The following AOAH variants were observed in gnomAD, a reference collection of about 807,000 sequenced individuals.
AOAH encodes acyloxyacyl hydrolase (neutrophil).
A neutral mutation model predicts 92.2 loss-of-function variants in AOAH; 64 were observed. That is an observed-to-expected ratio of 0.69 (90% CI 0.57 to 0.86). The LOEUF is 0.86. AOAH is among the 40% of genes least tolerant of loss of function. AOAH has a pLI of 0.00. For missense variants in AOAH, 656 were observed against 694.6 expected (o/e 0.94, Z 0.62); for synonymous variants, 263 against 254.5 (o/e 1.03, Z -0.32).
rs138320753 is a variant in AOAH, at chr7:36,711,023, C to G, written c.127+12999G>C. ...TCACATTTGTACAGAGTGGCAGAAC[C>G]AGGATTCAAATCTGAGAGCCCCACA... On this transcript the variant is annotated intron_variant, in intron 1 of 20. Transcript: ENST00000617537. Among the ~76,000 whole-genome samples the G allele has an allele frequency of 2.2e-3, 336 of 151,908 alleles. 3 individuals are homozygous for G. The highest frequency in any genetic ancestry group is 7.9e-3 in the African/African-American group (326 of 41,216).
intron 1 of AOAH, among the ~76,000 whole-genome samples, chr7:36,687,731 C>T (rs1221470163): frequency 1.3e-5 from 2 of 152,026 alleles, no homozygotes; most frequent in Non-Finnish European, 2.9e-5. Context: ...GGAGCCTGGG[C>T]CAGCAGTAGG....
At chr7:36,519,419 ACCT>A (rs549817931) in intron 20 of AOAH, among the ~76,000 whole-genome samples, 5 of 151,960 alleles carry the variant, frequency 3.3e-5, no homozygotes, top group South Asian at 2.1e-4. Flanking sequence ...TTCTGACATC[ACCT>A]CCTCTGAAAA....
intron 1 of AOAH, among the ~76,000 whole-genome samples, chr7:36,711,160 T>C (rs1798746648): frequency 6.6e-6 from 1 of 152,162 alleles, no homozygotes; most frequent in African/African-American, 2.4e-5. Context: ...AGTAATGTCT[T>C]CATTTAGAGA....
intron 2 of AOAH, among the ~76,000 whole-genome samples, chr7:36,683,067 A>G (rs7798024): frequency 0.31 from 46,403 of 152,096 alleles, 7,701 homozygotes; most frequent in African/African-American, 0.44. Flanking sequence ...TTATAGAAAA[A>G]AAATCTTCTG....
chr7:36,702,292 GGT>G (rs1262192089), intron 1 of AOAH, among the ~76,000 whole-genome samples: 6 of 152,106 alleles, frequency 3.9e-5, no homozygotes, highest in Non-Finnish European at 8.8e-5. Context: ...GTTACCATGT[GGT>G]GTTATTTTCC....
chr7:36,681,522 G>GA (rs1796642565), intron 2 of AOAH, among the ~76,000 whole-genome samples: 1 of 152,104 alleles, frequency 6.6e-6, no homozygotes, highest in South Asian at 2.1e-4. Context: ...AAATCTCTTT[G>GA]AATCTCTACA....
At chr7:36,612,307 C>T (rs983529305) in intron 11 of AOAH, among the ~76,000 whole-genome samples, 4 of 152,172 alleles carry the variant, frequency 2.6e-5, no homozygotes, top group African/African-American at 9.7e-5. Context: ...CTCATACATA[C>T]TATTTTGTAA....
At chr7:36,722,985 C>T (rs973230460) in intron 1 of AOAH, among the ~76,000 whole-genome samples, 4 of 140,034 alleles carry the variant, frequency 2.9e-5, no homozygotes, top group Admixed American at 1.4e-4. Flanking sequence ...AGAGATGCAT[C>T]TCCTAACATG....
Position 36,604,632 on chromosome 7 carries a change from T to C in AOAH, c.847-10202A>G, listed in dbSNP as rs763076453. ...TATGTGTGCCTTCACTTGGTCTTTT[T>C]TCTTCCCTCCAGGTGACAGGTGGCA... On this transcript the variant is annotated intron_variant, in intron 11 of 20. Coordinates refer to ENST00000617537, the MANE Select transcript of AOAH (RefSeq NM_001637.4). Among the ~76,000 whole-genome samples the C allele has an allele frequency of 1.1e-4, 17 of 152,320 alleles. No individual in the cohort carries two copies. In the Middle Eastern group the frequency reaches 0.014, roughly 122 times the overall value.
At position 36,686,735 on chromosome 7, in the gene AOAH, G is replaced by A; in HGVS notation, c.187C>T (p.Gln63Ter). ...CTGCACAGTCTCTCCATCGAGGCCT[G>A]GACCGTCGAGTTGTGAACTTGAGCA... ...QLAQVHNSTV[Q>*]ASMERLCSYL... The change falls in exon 2 of 21, where the codon CAG becomes TAG. Residue 63 changes from glutamine (Q) to a stop codon, truncating the protein, a stop_gained. Transcript: ENST00000617537. LOFTEE classifies it high-confidence loss of function. 1.3e-6 allele frequency: 2 copies of A among 1,574,510 alleles called. No homozygotes were observed. Among genetic ancestry groups the A allele is most frequent in the Non-Finnish European group, 1.7e-6 (2 of 1,159,752 alleles).
rs1207772266 is a variant in AOAH at position 36,673,874 on chromosome 7, C to G, written c.290+69G>C. ...ATCATGCTGAACACAGAGCCTCCCA[C>G]CTCCCAGTTTTCTTGTTCCTCCCAT... On this transcript the variant is annotated intron_variant, in intron 3 of 20. Transcript: ENST00000617537. The G allele has an allele frequency of 1.2e-5, 13 of 1,101,844 alleles. No homozygotes were observed. The South Asian group carries it at 1.2e-4, about 10-fold the overall frequency. The allele number at this position is 1,101,844 out of a possible 1,614,324, so 68.3% of individuals were successfully genotyped here. A position where few individuals can be genotyped will look rare whatever the true frequency, so the allele number is the denominator to read the frequency against.
intron 20 of AOAH, among the ~76,000 whole-genome samples, chr7:36,518,022 A>G (rs967510275): frequency 6.6e-6 from 1 of 151,808 alleles, no homozygotes; most frequent in Non-Finnish European, 1.5e-5. Context: ...ATCTGCTCTT[A>G]TTGAAGTCGA....
chr7:36,547,303 T>C (rs908576014), intron 15 of AOAH, among the ~76,000 whole-genome samples: 8 of 152,244 alleles, frequency 5.3e-5, no homozygotes, highest in Non-Finnish European at 1.2e-4. Flanking sequence ...CAAGGTGACA[T>C]CTGGCGTATC....
chr7:36,638,474 T>C (rs1457183849), intron 4 of AOAH, among the ~76,000 whole-genome samples: 1 of 152,186 alleles, frequency 6.6e-6, no homozygotes, highest in Non-Finnish European at 1.5e-5. Context: ...AGCATCTAAG[T>C]GCATCTTCCA....
chr7:36,710,687 A>C (rs940921315), intron 1 of AOAH, among the ~76,000 whole-genome samples: 1 of 152,222 alleles, frequency 6.6e-6, no homozygotes, highest in Non-Finnish European at 1.5e-5. Context: ...CTTCCTTTAT[A>C]AATTAATCTT....
At chr7:36,602,672 CT>C (rs1226734187) in intron 11 of AOAH, among the ~76,000 whole-genome samples, 1 of 152,000 alleles carries the variant, frequency 6.6e-6, no homozygotes, top group Non-Finnish European at 1.5e-5. Flanking sequence ...CTTCTGATAC[CT>C]TTGATTCTGT....
At chr7:36,569,162 A>AAG (rs1252197212) in intron 13 of AOAH, among the ~76,000 whole-genome samples, 1 of 152,246 alleles carries the variant, frequency 6.6e-6, no homozygotes, top group Non-Finnish European at 1.5e-5. Context: ...CCAGGAAAAC[A>AAG]TGCCGTTAGG....
At chr7:36,610,855 T>C (rs1313307299) in intron 11 of AOAH, among the ~76,000 whole-genome samples, 1 of 152,090 alleles carries the variant, frequency 6.6e-6, no homozygotes, top group Non-Finnish European at 1.5e-5. Context: ...TCTGGATAGA[T>C]TGCCCAGCCA....
At chr7:36,532,451 G>A (rs1784753960) in intron 16 of AOAH, 107 bp from the exon 17 acceptor site, 1 of 1,012,796 alleles carries the variant, frequency 9.9e-7, no homozygotes, top group African/African-American at 1.6e-5. Flanking sequence ...TATTTCCAGG[G>A]TGTTCCCCTG....
Sources: gnomAD v4.1 joint callset for allele counts (sites outside exome capture counted in the v4.1 genomes callset) on GRCh38, gnomAD v4.1.1 for gene constraint, MANE v1.5 for transcripts, NCBI Gene and HGNC (gene_info 2026-07-23, HGNC 2026-07-21) for gene names.